Variants in TRIM24 observed in about 807,000 individuals in gnomAD.
TRIM24 encodes the protein transcription intermediary factor 1-alpha.
TRIM24 carries 29 observed loss-of-function variants against 123.9 expected under a neutral mutation model. The ratio of observed to expected loss-of-function variants is 0.23; its 90% confidence interval spans 0.17 to 0.32. The LOEUF (loss-of-function observed/expected upper bound fraction) is 0.32. TRIM24 is among the 10% of genes least tolerant of loss of function. The pLI is 1.00. For missense variants in TRIM24, 932 were observed against 1,295.3 expected (o/e 0.72, Z 4.31); for synonymous variants, 456 against 461.1 (o/e 0.99, Z 0.14).
intron 12 of TRIM24, among the ~76,000 whole-genome samples, chr7:138,575,308 T>TTTGA (rs1358552944): frequency 6.6e-6 from 1 of 152,098 alleles, no homozygotes; most frequent in African/African-American, 2.4e-5. Flanking sequence ...TAGCCATTGT[T>TTTGA]TTGATTGATT....
At chr7:138,461,428 T>G in intron 1 of TRIM24, 1 of 375,654 alleles carries the variant, frequency 2.7e-6, no homozygotes, top group Non-Finnish European at 5.2e-6. Flanking sequence ...TGTCATTTAT[T>G]TCTTATCTTG....
At position 138,460,416 on chromosome 7, in the gene TRIM24, C is replaced by T; in HGVS notation, c.-133C>T. ...AGGCTTCCCCCGCCCGGTTTGCTTT[C>T]CCTCCCTCGCTGGCGCTGCCGCGAG... On this transcript the variant is annotated 5_prime_UTR_variant, in exon 1 of 19. Transcript: ENST00000343526. 1 of 1,025,454 alleles carries T rather than the reference C, an allele frequency of 9.8e-7. No homozygotes were observed. The highest frequency in any genetic ancestry group is 4.5e-5 in the South Asian group (1 of 22,276). 63.5% of individuals were successfully genotyped at this position (1,025,454 alleles called of 1,614,324 possible).
chr7:138,462,878 T>A (rs1407587312), intron 1 of TRIM24, among the ~76,000 whole-genome samples: 2 of 149,846 alleles, frequency 1.3e-5, no homozygotes, highest in South Asian at 2.1e-4. Flanking sequence ...ATTTATTTAT[T>A]TTTTTTTTGA....
intron 3 of TRIM24, among the ~76,000 whole-genome samples, chr7:138,516,053 A>G (rs1228265486): frequency 6.6e-6 from 1 of 152,164 alleles, no homozygotes; most frequent in Non-Finnish European, 1.5e-5. Flanking sequence ...TTATCCCAGC[A>G]CTTTGGGAGG....
At chr7:138,508,684 T>C (rs868079467) in intron 2 of TRIM24, among the ~76,000 whole-genome samples, 283 of 53,486 alleles carry the variant, frequency 5.3e-3, no homozygotes, top group South Asian at 0.013. Context: ...TGTGTGTGTG[T>C]GTGTGTGTGC....
chr7:138,509,258 G>T (rs191217601), intron 2 of TRIM24, among the ~76,000 whole-genome samples: 1 of 150,888 alleles, frequency 6.6e-6, no homozygotes, highest in African/African-American at 2.4e-5. Flanking sequence ...CGAAATGTTG[G>T]TTCTTAATTG....
chr7:138,517,465 G>A (rs987805942), intron 3 of TRIM24, among the ~76,000 whole-genome samples: 5 of 152,100 alleles, frequency 3.3e-5, no homozygotes, highest in Middle Eastern at 3.4e-3. Flanking sequence ...CCACCTCCTG[G>A]GTTCAAGCGA....
intron 14 of TRIM24, among the ~76,000 whole-genome samples, chr7:138,578,186 A>G (rs1257724175): frequency 2.0e-5 from 3 of 152,198 alleles, no homozygotes; most frequent in African/African-American, 7.2e-5. Context: ...AACTGAAAAT[A>G]TAAGGTAATT....
chr7:138,555,253 G>A (rs886194022), intron 9 of TRIM24, among the ~76,000 whole-genome samples: 5 of 152,046 alleles, frequency 3.3e-5, no homozygotes, highest in Admixed American at 6.6e-5. Context: ...TGTGATTGAT[G>A]GGAAAAGTTG....
chr7:138,575,459 A>ATTTTTTTTTTTTTTTTT (rs34375724), intron 12 of TRIM24, among the ~76,000 whole-genome samples: 1 of 127,254 alleles, frequency 7.9e-6, no homozygotes, highest in African/African-American at 3.0e-5. Context: ...GGCCTGGCTA[A>ATTTTTTTTTTTTTTTTT]TTTTTTTTTT....
intron 1 of TRIM24, among the ~76,000 whole-genome samples, chr7:138,478,641 T>G (rs1340673956): frequency 6.6e-6 from 1 of 152,138 alleles, no homozygotes; most frequent in Admixed American, 6.6e-5. Context: ...CACACCCAGC[T>G]AGTTTTTGTT....
rs781250856 is a variant in TRIM24, at chr7:138,515,343, A to G, written c.615A>G (p.Lys205=). 1 of 1,613,910 alleles carries G rather than the reference A, an allele frequency of 6.2e-7. No individual in the cohort carries two copies. The highest frequency in any genetic ancestry group is 1.1e-5 in the South Asian group (1 of 91,044). ...CAAAAGACCACACTGTCAGACAGAA[A>G]GAGGAAGTATCTCCAGGTAATAAAT... The part of the protein sequence containing the change: ...KFTKDHTVRQ[K]EEVSPEAVGV... The change falls in exon 3 of 19, where the codon AAA becomes AAG. Residue 205 remains lysine, a synonymous_variant. Coordinates refer to ENST00000343526, the MANE Select transcript of TRIM24 (RefSeq NM_015905.3).
chr7:138,573,400 T>G, intron 11 of TRIM24, 107 bp from the exon 12 acceptor site: 2 of 1,065,952 alleles, frequency 1.9e-6, no homozygotes, highest in Non-Finnish European at 2.5e-6. Flanking sequence ...ATCTATGTTT[T>G]GTTATTCGAT....
At chr7:138,493,108 G>A (rs989748720) in intron 1 of TRIM24, among the ~76,000 whole-genome samples, 2 of 151,992 alleles carry the variant, frequency 1.3e-5, no homozygotes, top group Admixed American at 6.6e-5. Context: ...TCTCTTTACT[G>A]ACATTCCCTG....
chr7:138,576,706 A>G (rs1390695387), intron 13 of TRIM24, among the ~76,000 whole-genome samples: 1 of 152,146 alleles, frequency 6.6e-6, no homozygotes, highest in Non-Finnish European at 1.5e-5. Flanking sequence ...CAAAGAAAAC[A>G]TAAAAATGAA....
intron 9 of TRIM24, among the ~76,000 whole-genome samples, chr7:138,565,526 T>C (rs28608602): frequency 0.018 from 2,778 of 151,798 alleles, 68 homozygotes; most frequent in African/African-American, 0.062. Context: ...CACAGGTCTC[T>C]CCCGGCCTGG....
chr7:138,579,156 A>G (rs1431064703), intron 14 of TRIM24, 48 bp from the exon 15 acceptor site: 1 of 1,484,940 alleles, frequency 6.7e-7, no homozygotes, highest in East Asian at 2.3e-5. Flanking sequence ...TGCATTAGTG[A>G]TAAAATTTTT....
At chr7:138,512,358 T>G (rs112203196) in intron 2 of TRIM24, among the ~76,000 whole-genome samples, 3,245 of 152,238 alleles carry the variant, frequency 0.021, 94 homozygotes, top group African/African-American at 0.071. Flanking sequence ...GCCCCAGTGG[T>G]GACTCTGTGT....
At chr7:138,559,226 CATAAT>C (rs1258005213) in intron 9 of TRIM24, among the ~76,000 whole-genome samples, 1 of 152,100 alleles carries the variant, frequency 6.6e-6, no homozygotes, top group Non-Finnish European at 1.5e-5. Context: ...CCTGCGCACT[CATAAT>C]AAATATAGTA....
Sources: gnomAD v4.1 joint callset for allele counts (sites outside exome capture counted in the v4.1 genomes callset) on GRCh38, gnomAD v4.1.1 for gene constraint, MANE v1.5 for transcripts, NCBI Gene and HGNC (gene_info 2026-07-23, HGNC 2026-07-21) for gene names.